The following ARHGAP15 variants were observed in gnomAD, a reference collection of about 807,000 sequenced individuals.
The protein encoded by ARHGAP15 is Rho GTPase activating protein 15, also known as rho GTPase-activating protein 15.
ARHGAP15 carries 51 observed loss-of-function variants against 63.7 expected under a neutral mutation model. The ratio of observed to expected loss-of-function variants is 0.80; its 90% CI spans 0.64 to 1.01. The LOEUF is 1.01. Among genes scored for constraint, ARHGAP15 ranks in the 50% least tolerant of loss-of-function variants. The pLI, the probability that ARHGAP15 is intolerant of heterozygous loss-of-function variation, is 0.00. For synonymous variants in ARHGAP15, 191 were observed against 193.8 expected (o/e 0.99, Z 0.12); for missense variants, 560 against 564.6 (o/e 0.99, Z 0.08).
chr2:143,273,015 G>T (rs965483686), intron 6 of ARHGAP15, among the ~76,000 whole-genome samples: 1 of 151,706 alleles, frequency 6.6e-6, no homozygotes, highest in Non-Finnish European at 1.5e-5. Context: ...ATGTTTTCAA[G>T]TACTTTCTTG....
chr2:143,669,019 G>A (rs1057274747), intron 12 of ARHGAP15, among the ~76,000 whole-genome samples: 7 of 152,324 alleles, frequency 4.6e-5, no homozygotes, highest in African/African-American at 1.4e-4. Flanking sequence ...TAACCAGGTT[G>A]AAAGTCTAAA....
At chr2:143,564,633 A>T (rs1696151207) in intron 11 of ARHGAP15, among the ~76,000 whole-genome samples, 1 of 152,172 alleles carries the variant, frequency 6.6e-6, no homozygotes, top group Non-Finnish European at 1.5e-5. Flanking sequence ...TTGCATTTGA[A>T]AAAAGGGGAA....
At chr2:143,609,189 T>C (rs1237649580) in intron 11 of ARHGAP15, among the ~76,000 whole-genome samples, 1 of 152,250 alleles carries the variant, frequency 6.6e-6, no homozygotes, top group Admixed American at 6.5e-5. Context: ...TAATTTGTTT[T>C]GTTGTGCCTA....
rs77561979 is a variant in ARHGAP15 at position 143,155,712 on chromosome 2, GA to G, written c.165+67del. ...CTTGTCATACAGAATTTTGTAAAAG[GA>G]AAAAAAAAAGCTAATTAGTCTTGTT... On this transcript the variant is annotated intron_variant, in intron 2 of 13. Transcript: ENST00000295095. 4.8e-3 allele frequency: 6,255 copies of G among 1,310,214 alleles called. 59 individuals carry two copies. Among genetic ancestry groups the G allele is most frequent in the African/African-American group, 0.038 (2,478 of 64,444 alleles). 81.2% of individuals were successfully genotyped at this position (1,310,214 alleles called of 1,614,324 possible).
At position 143,415,238 on chromosome 2, in the gene ARHGAP15, C is replaced by G. The variant is rs1276892593; in HGVS notation, c.475-20363C>G. ...AAAAAAAATTGATAAAATTGAATAC[C>G]TGATTTTAGAGAATAGTGGACCACA... On this transcript the variant is annotated intron_variant, in intron 6 of 13. Transcript: ENST00000295095. 2.0e-5 allele frequency among the ~76,000 whole-genome samples: 3 copies of G among 151,854 alleles called. No homozygotes were observed. The South Asian group carries it at 6.3e-4, about 32-fold the overall frequency.
intron 6 of ARHGAP15, among the ~76,000 whole-genome samples, chr2:143,289,174 C>T (rs572116678): frequency 6.7e-5 from 10 of 149,362 alleles, no homozygotes; most frequent in African/African-American, 2.2e-4. Context: ...TTGGAGTGTG[C>T]CAAAAAGGGG....
intron 6 of ARHGAP15, among the ~76,000 whole-genome samples, chr2:143,384,568 A>T (rs1482186482): frequency 1.4e-5 from 1 of 73,790 alleles, no homozygotes; most frequent in African/African-American, 5.9e-5. Context: ...TTAGAGTTAA[A>T]AAAAAAAAAA....
At chr2:143,608,460 G>A (rs1258336724) in intron 11 of ARHGAP15, 1 of 152,146 alleles carries the variant, frequency 6.6e-6, no homozygotes, top group African/African-American at 2.4e-5. Context: ...AGGCCCACAC[G>A]TCTTTGTTGT....
At chr2:143,596,077 G>A (rs1697505854) in intron 11 of ARHGAP15, among the ~76,000 whole-genome samples, 2 of 152,218 alleles carry the variant, frequency 1.3e-5, no homozygotes, top group South Asian at 4.2e-4. Context: ...AAATGGAGAT[G>A]GTGTTGGTTC....
chr2:143,590,038 T>C, intron 11 of ARHGAP15, among the ~76,000 whole-genome samples: 1 of 152,146 alleles, frequency 6.6e-6, no homozygotes. Context: ...ATAGTAAGGA[T>C]TAAAACTCAT....
chr2:143,206,841 C>T (rs893726507), intron 3 of ARHGAP15, among the ~76,000 whole-genome samples: 8 of 151,648 alleles, frequency 5.3e-5, no homozygotes, highest in Non-Finnish European at 1.0e-4. Flanking sequence ...GTAAAAATAA[C>T]ACATAAAAAG....
At chr2:143,596,611 A>G (rs1028579407) in intron 11 of ARHGAP15, among the ~76,000 whole-genome samples, 3 of 152,154 alleles carry the variant, frequency 2.0e-5, no homozygotes, top group South Asian at 2.1e-4. Context: ...ATAATCTCTG[A>G]AAGTAAGTTA....
chr2:143,654,878 G>C lies in ARHGAP15; in HGVS notation c.1138+30611G>C, dbSNP rs375123617. 3.1e-4 allele frequency among the ~76,000 whole-genome samples: 47 copies of C among 152,278 alleles called. No homozygotes were observed. The East Asian group carries it at 3.5e-3, about 11-fold the overall frequency. Reference sequence around the variant, plus strand: ...GAGAGGCTGAGGAGGCAAGAGGATTGCTTGGGACCAGGAGTTTAAGATTAG... The same window carrying C: ...GAGAGGCTGAGGAGGCAAGAGGATTCCTTGGGACCAGGAGTTTAAGATTAG... On this transcript the variant is annotated intron_variant, in intron 12 of 13. Transcript: ENST00000295095.
intron 2 of ARHGAP15, among the ~76,000 whole-genome samples, chr2:143,168,442 G>A (rs1323299044): frequency 6.6e-6 from 1 of 152,018 alleles, no homozygotes; most frequent in Non-Finnish European, 1.5e-5. Context: ...GCCTTCCAAA[G>A]TGCTGGGATT....
At chr2:143,495,015 C>T (rs1300408684) in intron 9 of ARHGAP15, among the ~76,000 whole-genome samples, 1 of 152,146 alleles carries the variant, frequency 6.6e-6, no homozygotes, top group African/African-American at 2.4e-5. Context: ...CTTTGATTTA[C>T]CAGCTATTAA....
chr2:143,435,420 AAC>A, intron 6 of ARHGAP15, 179 bp from the exon 7 acceptor site: 2 of 1,215,178 alleles, frequency 1.6e-6, no homozygotes, highest in Non-Finnish European at 2.1e-6. Context: ...TGACGTGAAA[AAC>A]AGTTTATAGA....
At chr2:143,303,720 A>T (rs1462757537) in intron 6 of ARHGAP15, among the ~76,000 whole-genome samples, 1 of 152,186 alleles carries the variant, frequency 6.6e-6, no homozygotes, top group Non-Finnish European at 1.5e-5. Flanking sequence ...CATCTGACAA[A>T]GGGCTAATAT....
chr2:143,184,175 G>A (rs1553445670), intron 2 of ARHGAP15, among the ~76,000 whole-genome samples: 1 of 152,184 alleles, frequency 6.6e-6, no homozygotes, highest in Non-Finnish European at 1.5e-5. Flanking sequence ...ATACACTGAA[G>A]AAAAGGCAAG....
chr2:143,229,078 A>G (rs915570343), intron 5 of ARHGAP15, among the ~76,000 whole-genome samples: 5 of 152,178 alleles, frequency 3.3e-5, no homozygotes, highest in Non-Finnish European at 7.4e-5. Flanking sequence ...AAGCTGTTTT[A>G]AAGAATATTA....
Sources: gnomAD v4.1 joint callset for allele counts (sites outside exome capture counted in the v4.1 genomes callset) on GRCh38, gnomAD v4.1.1 for gene constraint, MANE v1.5 for transcripts, NCBI Gene and HGNC (gene_info 2026-07-23, HGNC 2026-07-21) for gene names.